ST6GALNAC3: variants seen among roughly 807,000 people sequenced by gnomAD.
The protein encoded by ST6GALNAC3 is alpha-N-acetylgalactosaminide alpha-2,6-sialyltransferase 3.
In ST6GALNAC3, 25 loss-of-function variants were observed where a neutral mutation model predicts 32.7. The ratio of observed to expected loss-of-function variants is 0.76; its 90% CI spans 0.56 to 1.07. The LOEUF is 1.07. Ranked by LOEUF, ST6GALNAC3 falls within the 50% of genes least tolerant of loss-of-function variation. The pLI, the probability that ST6GALNAC3 is intolerant of heterozygous loss-of-function variation, is 0.00. For synonymous variants in ST6GALNAC3, 129 were observed against 133.1 expected (o/e 0.97, Z 0.21); for missense variants, 355 against 382.4 (o/e 0.93, Z 0.60).
chr1:76,479,548 G>A (rs1454778937), intron 3 of ST6GALNAC3, among the ~76,000 whole-genome samples: 1 of 152,206 alleles, frequency 6.6e-6, no homozygotes, highest in Admixed American at 6.5e-5. Context: ...CATGGCGGAA[G>A]CCATCAAACG....
rs533924078 is a variant in ST6GALNAC3 at position 76,288,692 on chromosome 1, A to G, written c.19-25113A>G. Among the ~76,000 whole-genome samples, 4 of 152,290 alleles carry G rather than the reference A, an allele frequency of 2.6e-5. No individual in the cohort carries two copies. The South Asian group carries it at 6.2e-4, about 24-fold the overall frequency. On this transcript the variant is annotated intron_variant, in intron 1 of 4. Coordinates refer to ENST00000328299, the MANE Select transcript of ST6GALNAC3 (RefSeq NM_152996.4). ...TGTCTGAGTTTGGGGATAAGATTCA[A>G]TTTTATTCTAAAAAAAATTGCACTT...
chr1:76,597,020 C>T (rs1647148098), intron 3 of ST6GALNAC3, among the ~76,000 whole-genome samples: 1 of 152,066 alleles, frequency 6.6e-6, no homozygotes, highest in African/African-American at 2.4e-5. Context: ...TTTCTGGGGA[C>T]ATTCATAAAA....
chr1:76,247,427 C>G (rs1419560985), intron 1 of ST6GALNAC3, among the ~76,000 whole-genome samples: 1 of 152,170 alleles, frequency 6.6e-6, no homozygotes, highest in African/African-American at 2.4e-5. Flanking sequence ...TAACCACAGC[C>G]ACCCCTCCCC....
At chr1:76,338,869 T>A (rs1013003089) in intron 2 of ST6GALNAC3, among the ~76,000 whole-genome samples, 1 of 152,198 alleles carries the variant, frequency 6.6e-6, no homozygotes, top group African/African-American at 2.4e-5. Context: ...GCATCACATC[T>A]GGTTATGTAG....
intron 1 of ST6GALNAC3, among the ~76,000 whole-genome samples, chr1:76,142,432 T>C (rs1650388766): frequency 6.6e-6 from 1 of 152,166 alleles, no homozygotes; most frequent in Non-Finnish European, 1.5e-5. Context: ...TGTCTACACC[T>C]GCATAGCCAT....
At chr1:76,345,157 C>T (rs1390426753) in intron 2 of ST6GALNAC3, among the ~76,000 whole-genome samples, 1 of 152,154 alleles carries the variant, frequency 6.6e-6, no homozygotes. Context: ...ACACCATCAC[C>T]CTGCTTGTGG....
chr1:76,477,869 G>T (rs963328369), intron 3 of ST6GALNAC3, among the ~76,000 whole-genome samples: 1 of 152,132 alleles, frequency 6.6e-6, no homozygotes, highest in African/African-American at 2.4e-5. Flanking sequence ...TCCATAACTT[G>T]CTCTGAAGAG....
chr1:76,078,984 G>A (rs1043890420), intron 1 of ST6GALNAC3, among the ~76,000 whole-genome samples: 2 of 152,166 alleles, frequency 1.3e-5, no homozygotes, highest in Admixed American at 1.3e-4. Context: ...GTTTCACCAT[G>A]TTGGCCAGGC....
chr1:76,100,799 TG>T (rs1293586880), intron 1 of ST6GALNAC3, among the ~76,000 whole-genome samples: 6 of 135,624 alleles, frequency 4.4e-5, no homozygotes, highest in Admixed American at 3.4e-4. Flanking sequence ...CATCAGAATC[TG>T]TTTTTTTTTT....
chr1:76,153,193 A>C (rs1651163350), intron 1 of ST6GALNAC3, among the ~76,000 whole-genome samples: 1 of 152,012 alleles, frequency 6.6e-6, no homozygotes, highest in African/African-American at 2.4e-5. Flanking sequence ...TAACATCCTT[A>C]ATTTAAGTTA....
intron 1 of ST6GALNAC3, among the ~76,000 whole-genome samples, chr1:76,198,117 A>G (rs1654312332): frequency 6.6e-6 from 1 of 152,182 alleles, no homozygotes; most frequent in South Asian, 2.1e-4. Context: ...GGCTCACTGC[A>G]GCCTTGACTT....
intron 1 of ST6GALNAC3, among the ~76,000 whole-genome samples, chr1:76,255,677 C>G (rs943529847): frequency 1.3e-5 from 2 of 152,104 alleles, no homozygotes; most frequent in South Asian, 2.1e-4. Context: ...TTGTTGCCTA[C>G]GTAGTTTCTG....
chr1:76,421,278 G>A (rs1348010653), intron 3 of ST6GALNAC3, among the ~76,000 whole-genome samples: 1 of 152,060 alleles, frequency 6.6e-6, no homozygotes, highest in Non-Finnish European at 1.5e-5. Flanking sequence ...TCTATTTAGA[G>A]AGACCACGTC....
At chr1:76,149,596 G>T (rs1436825038) in intron 1 of ST6GALNAC3, among the ~76,000 whole-genome samples, 1 of 152,162 alleles carries the variant, frequency 6.6e-6, no homozygotes, top group African/African-American at 2.4e-5. Flanking sequence ...AGCTCACATA[G>T]CTGTCCCTCC....
intron 3 of ST6GALNAC3, among the ~76,000 whole-genome samples, chr1:76,431,975 CTCTG>C (rs765167871): frequency 7.9e-5 from 12 of 152,180 alleles, no homozygotes; most frequent in South Asian, 2.1e-4. Flanking sequence ...GTCTTCTCTG[CTCTG>C]TCTATTCATC....
chr1:76,317,101 C>T lies in ST6GALNAC3; in HGVS notation c.213+3102C>T, dbSNP rs562022185. Reference sequence around the variant, plus strand: ...TGAAAGTTGAAAACATTAGAACACTCAAAGGGAATGACAGATTTTCTCCTA... The same window carrying T: ...TGAAAGTTGAAAACATTAGAACACTTAAAGGGAATGACAGATTTTCTCCTA... On this transcript the variant is annotated intron_variant, in intron 2 of 4. Transcript: ENST00000328299. Among the ~76,000 whole-genome samples, 9 of 152,200 alleles carry T rather than the reference C, an allele frequency of 5.9e-5. No homozygotes were observed. In the South Asian group the frequency reaches 1.5e-3, roughly 25 times the overall value.
At chr1:76,425,605 A>T (rs6593536) in intron 3 of ST6GALNAC3, among the ~76,000 whole-genome samples, 2 of 151,966 alleles carry the variant, frequency 1.3e-5, no homozygotes. Flanking sequence ...TCTGACATTC[A>T]TTGGCAAGTT....
chr1:76,511,372 T>G (rs564260718), intron 3 of ST6GALNAC3, among the ~76,000 whole-genome samples: 1 of 152,288 alleles, frequency 6.6e-6, no homozygotes, highest in East Asian at 1.9e-4. Context: ...TTCCGCCTCC[T>G]GGCAGGCAGC....
intron 2 of ST6GALNAC3, among the ~76,000 whole-genome samples, chr1:76,398,312 T>A (rs1194482320): frequency 1.3e-5 from 2 of 152,214 alleles, no homozygotes; most frequent in African/African-American, 4.8e-5. Flanking sequence ...CTTTTCCCAA[T>A]ATATTTGTCA....
Sources: gnomAD v4.1 joint callset for allele counts (sites outside exome capture counted in the v4.1 genomes callset) on GRCh38, gnomAD v4.1.1 for gene constraint, MANE v1.5 for transcripts, NCBI Gene and HGNC (gene_info 2026-07-23, HGNC 2026-07-21) for gene names.